The following PIK3CB variants were observed in gnomAD, a reference collection of about 807,000 sequenced individuals.
The protein encoded by PIK3CB is phosphatidylinositol-4,5-bisphosphate 3-kinase catalytic subunit beta, also known as phosphatidylinositol 4,5-bisphosphate 3-kinase catalytic subunit beta isoform.
In PIK3CB, 39 loss-of-function variants were observed where a neutral mutation model predicts 136.8. The ratio of observed to expected loss-of-function variants is 0.29; its 90% CI spans 0.22 to 0.37. PIK3CB has a LOEUF of 0.37. Among genes scored for constraint, PIK3CB ranks in the 10% least tolerant of loss-of-function variants. The pLI is 1.00. For missense variants in PIK3CB, 868 were observed against 1,275.4 expected (o/e 0.68, Z 4.87); for synonymous variants, 428 against 436.6 (o/e 0.98, Z 0.25).
intron 1 of PIK3CB, among the ~76,000 whole-genome samples, chr3:138,815,356 C>CAAAAAAAA (rs56785236): frequency 2.9e-3 from 77 of 26,468 alleles, no homozygotes; most frequent in Non-Finnish European, 4.8e-3. Flanking sequence ...CATCCTGTCT[C>CAAAAAAAA]AAAAAAAAAA....
At chr3:138,660,760 C>G (rs1020581563) in intron 21 of PIK3CB, among the ~76,000 whole-genome samples, 1 of 152,186 alleles carries the variant, frequency 6.6e-6, no homozygotes, top group Non-Finnish European at 1.5e-5. Flanking sequence ...CTCAATTTAT[C>G]AAGTCCACAA....
At chr3:138,689,492 CA>C (rs764973961) in intron 15 of PIK3CB, among the ~76,000 whole-genome samples, 59 of 152,306 alleles carry the variant, frequency 3.9e-4, no homozygotes, top group Admixed American at 8.5e-4. Flanking sequence ...AGGGTTTTGC[CA>C]TGTGGCCAGG....
rs938721846 is a variant in PIK3CB, at chr3:138,796,446, C to T, written c.-17+17G>A. 3 of 126,148 alleles carry T rather than the reference C, an allele frequency of 2.4e-5. No individual in the cohort carries two copies. The highest frequency in any genetic ancestry group is 3.4e-5 in the Non-Finnish European group (2 of 58,314). The allele number at this position is 126,148 out of a possible 1,614,324, so 7.8% of individuals were successfully genotyped here. On this transcript the variant is annotated intron_variant, in intron 2 of 23. Coordinates refer to ENST00000674063, the MANE Select transcript of PIK3CB (RefSeq NM_006219.3). The stretch of plus-strand genomic sequence containing the variant: ...ACCAATATATAAGTAATTAAAAATA[C>T]AAAATTGGATACTTACCTAAGAATG...
At chr3:138,776,693 C>T (rs1360097640) in intron 2 of PIK3CB, among the ~76,000 whole-genome samples, 1 of 150,984 alleles carries the variant, frequency 6.6e-6, no homozygotes. Context: ...GAGACCCTGT[C>T]TCAAAAAACA....
At chr3:138,815,822 G>A (rs959284972) in intron 1 of PIK3CB, among the ~76,000 whole-genome samples, 1 of 152,160 alleles carries the variant, frequency 6.6e-6, no homozygotes, top group African/African-American at 2.4e-5. Flanking sequence ...AGGGAATCCT[G>A]AAACCAATCC....
chr3:138,785,319 G>A (rs2045969174), intron 2 of PIK3CB, among the ~76,000 whole-genome samples: 1 of 152,148 alleles, frequency 6.6e-6, no homozygotes, highest in African/African-American at 2.4e-5. Context: ...TCTGGGAGGT[G>A]TACCCAACAG....
At chr3:138,789,879 C>T (rs1041337865) in intron 2 of PIK3CB, among the ~76,000 whole-genome samples, 5 of 151,934 alleles carry the variant, frequency 3.3e-5, no homozygotes, top group African/African-American at 7.3e-5. Flanking sequence ...TTAGTAGAGA[C>T]GGGGTTTCAC....
At chr3:138,804,724 C>G (rs2046212017) in intron 1 of PIK3CB, among the ~76,000 whole-genome samples, 1 of 152,118 alleles carries the variant, frequency 6.6e-6, no homozygotes, top group South Asian at 2.1e-4. Context: ...CTGTAAGCAG[C>G]CTTTAGAAAA....
intron 12 of PIK3CB, 77 bp from the exon 13 acceptor site, chr3:138,699,172 T>A: frequency 1.4e-5 from 6 of 422,640 alleles, no homozygotes; most frequent in African/African-American, 2.1e-5. Flanking sequence ...TTATATATAT[T>A]TATATATAAT....
At chr3:138,832,419 C>T (rs1161600509) in intron 1 of PIK3CB, among the ~76,000 whole-genome samples, 2 of 152,028 alleles carry the variant, frequency 1.3e-5, no homozygotes, top group African/African-American at 2.4e-5. Context: ...CGGCCGGTCG[C>T]GGTGGTTCAT....
At chr3:138,828,658 T>C in intron 1 of PIK3CB, among the ~76,000 whole-genome samples, 1 of 152,206 alleles carries the variant, frequency 6.6e-6, no homozygotes, top group South Asian at 2.1e-4. Flanking sequence ...CTGGGGAGAC[T>C]GAGGCAGGAG....
chr3:138,711,510 C>T (rs1334006895), intron 10 of PIK3CB, among the ~76,000 whole-genome samples: 1 of 133,138 alleles, frequency 7.5e-6, no homozygotes. Flanking sequence ...ACCTGGGAGG[C>T]AGAGGTTGCA....
intron 2 of PIK3CB, among the ~76,000 whole-genome samples, chr3:138,780,592 T>C (rs574546214): frequency 6.6e-6 from 1 of 152,308 alleles, no homozygotes; most frequent in South Asian, 2.1e-4. Context: ...TAACTTACTT[T>C]AGTTGTGAAT....
intron 1 of PIK3CB, among the ~76,000 whole-genome samples, chr3:138,822,273 C>T (rs1359097778): frequency 6.6e-6 from 1 of 152,094 alleles, no homozygotes; most frequent in African/African-American, 2.4e-5. Flanking sequence ...GTGGCTCACG[C>T]CTATAATCCC....
At chr3:138,751,325 G>A (rs746172633) in intron 4 of PIK3CB, among the ~76,000 whole-genome samples, 4 of 152,060 alleles carry the variant, frequency 2.6e-5, no homozygotes, top group Non-Finnish European at 5.9e-5. Flanking sequence ...AGGCATGGTG[G>A]CAGGTGCCTG....
chr3:138,793,171 AG>A (rs2046071891), intron 2 of PIK3CB, among the ~76,000 whole-genome samples: 1 of 152,234 alleles, frequency 6.6e-6, no homozygotes, highest in African/African-American at 2.4e-5. Context: ...GGAGTGAACA[AG>A]AACAATACCA....
chr3:138,755,596 A>G (rs1241016144), intron 4 of PIK3CB, among the ~76,000 whole-genome samples, 158 bp downstream of exon 4: 1 of 152,132 alleles, frequency 6.6e-6, no homozygotes, highest in Admixed American at 6.5e-5. Flanking sequence ...TTTATTCTCA[A>G]TTTCTATACT....
At chr3:138,763,139 T>TATGTATGTATGTATGTATGA (rs2045685864) in intron 2 of PIK3CB, among the ~76,000 whole-genome samples, 1 of 151,948 alleles carries the variant, frequency 6.6e-6, no homozygotes, top group Non-Finnish European at 1.5e-5. Context: ...TGTATGTATG[T>TATGTATGTATGTATGTATGA]ATGTATGTAT....
intron 12 of PIK3CB, among the ~76,000 whole-genome samples, chr3:138,701,223 A>C (rs945284663): frequency 1.3e-5 from 2 of 151,920 alleles, no homozygotes; most frequent in African/African-American, 2.4e-5. Flanking sequence ...TAAAAAAAAA[A>C]AAACAAAAAA....
Sources: gnomAD v4.1 joint callset for allele counts (sites outside exome capture counted in the v4.1 genomes callset) on GRCh38, gnomAD v4.1.1 for gene constraint, MANE v1.5 for transcripts, NCBI Gene and HGNC (gene_info 2026-07-23, HGNC 2026-07-21) for gene names.